The following BTBD7 variants were observed in gnomAD, a reference collection of about 807,000 sequenced individuals.
BTBD7 encodes BTB/POZ domain-containing protein 7.
A neutral mutation model predicts 99.9 loss-of-function variants in BTBD7; 38 were observed. The observed-to-expected ratio is 0.38, with a 90% CI of 0.29 to 0.50. The LOEUF is 0.50. Ranked by LOEUF, BTBD7 falls within the 20% of genes least tolerant of loss-of-function variation. The pLI is 0.93. For missense variants in BTBD7, 1,170 were observed against 1,394.6 expected, an observed-to-expected ratio of 0.84 and a Z score of 2.57; for synonymous variants, 520 against 511.4, an observed-to-expected ratio of 1.02 and a Z score of -0.23.
intron 3 of BTBD7, among the ~76,000 whole-genome samples, chr14:93,272,095 G>A (rs2052607089): frequency 2.0e-5 from 3 of 152,016 alleles, no homozygotes. Flanking sequence ...GAGGTGGGCG[G>A]ATCACCAGGT....
chr14:93,271,443 G>A (rs182118831), intron 3 of BTBD7, among the ~76,000 whole-genome samples: 191 of 152,272 alleles, frequency 1.3e-3, no homozygotes, highest in African/African-American at 4.5e-3. Flanking sequence ...AAACAAGATC[G>A]TAAGTTTAGA....
intron 1 of BTBD7, among the ~76,000 whole-genome samples, chr14:93,331,887 C>G (rs145644825): frequency 2.2e-4 from 32 of 147,834 alleles, no homozygotes; most frequent in Admixed American, 4.6e-4. Flanking sequence ...TCTCCCCCCC[C>G]CCAAAAAGGT....
chr14:93,248,811 CTAAT>C (rs2052341532), intron 8 of BTBD7, among the ~76,000 whole-genome samples, 157 bp from the exon 9 acceptor site: 1 of 152,152 alleles, frequency 6.6e-6, no homozygotes, highest in African/African-American at 2.4e-5. Context: ...TTATATATCT[CTAAT>C]TATTTTTCAA....
chr14:93,259,155 T>G lies in BTBD7; in HGVS notation c.1448-1800A>C, dbSNP rs77458620. ...TGAACCTCTGGGTACAACATTTTTGTCCAATGATTAAGACAGAACCTTGTT... is the reference window on the plus strand; with the variant it reads ...TGAACCTCTGGGTACAACATTTTTGGCCAATGATTAAGACAGAACCTTGTT... On this transcript the variant is annotated intron_variant, in intron 5 of 10. Transcript: ENST00000334746. Among the ~76,000 whole-genome samples, 325 of 152,318 alleles carry G rather than the reference T, an allele frequency of 2.1e-3. 1 individual carries two copies. The highest frequency in any genetic ancestry group is 7.5e-3 in the African/African-American group (311 of 41,570).
intron 1 of BTBD7, among the ~76,000 whole-genome samples, chr14:93,311,848 T>C (rs1321859006): frequency 6.6e-6 from 1 of 152,036 alleles, no homozygotes; most frequent in African/African-American, 2.4e-5. Context: ...GTTTACTCTG[T>C]GTGATTATAT....
At chr14:93,305,775 A>T (rs1314223926) in intron 1 of BTBD7, among the ~76,000 whole-genome samples, 5 of 149,522 alleles carry the variant, frequency 3.3e-5, no homozygotes, top group African/African-American at 9.7e-5. Context: ...GGTAATATAT[A>T]AAAAAATCTA....
At chr14:93,331,856 G>A (rs2053421506) in intron 1 of BTBD7, among the ~76,000 whole-genome samples, 1 of 149,362 alleles carries the variant, frequency 6.7e-6, no homozygotes, top group South Asian at 2.1e-4. Flanking sequence ...TCTCCAGCCT[G>A]GGTGACAGAG....
intron 8 of BTBD7, among the ~76,000 whole-genome samples, chr14:93,248,934 C>G (rs1301146551): frequency 2.0e-5 from 3 of 152,090 alleles, no homozygotes; most frequent in Non-Finnish European, 4.4e-5. Context: ...GTATTCTTGT[C>G]TGAATCTCAG....
intron 5 of BTBD7, among the ~76,000 whole-genome samples, chr14:93,261,390 T>C (rs1270845693): frequency 1.3e-5 from 2 of 152,202 alleles, no homozygotes; most frequent in Non-Finnish European, 2.9e-5. Flanking sequence ...TAATAAAAAG[T>C]ATCCTTTTAA....
intron 5 of BTBD7, among the ~76,000 whole-genome samples, chr14:93,261,248 C>T (rs1050360107): frequency 6.6e-6 from 1 of 152,200 alleles, no homozygotes; most frequent in African/African-American, 2.4e-5. Flanking sequence ...GTGCAACCAT[C>T]AACACTAATT....
At chr14:93,254,757 G>A (rs994914163) in intron 6 of BTBD7, among the ~76,000 whole-genome samples, 6 of 152,156 alleles carry the variant, frequency 3.9e-5, no homozygotes, top group African/African-American at 1.2e-4. Flanking sequence ...GATTAAATGA[G>A]GGCAATGCAG....
At position 93,242,594 on chromosome 14, in the gene BTBD7, G is replaced by C; in HGVS notation, c.3078C>G (p.His1026Gln). ...HLHRQKNEPI[H>Q]LDVVEQPPQR... The stretch of plus-strand genomic sequence containing the variant: ...GGGGAGGTTGCTCAACGACATCCAG[G>C]TGTATCGGCTCATTCTTTTGTCTGT... Residue 1026 changes from histidine to glutamine, a missense_variant, in exon 11 of 11, where the codon CAC becomes CAG. His to Gln is a conservative substitution (Grantham distance 24). Coordinates refer to ENST00000334746, the MANE Select transcript of BTBD7 (RefSeq NM_001002860.4). 6.2e-7 allele frequency: 1 copy of C among 1,614,216 alleles called. No individual in the cohort carries two copies. The highest frequency in any genetic ancestry group is 1.6e-4 in the Middle Eastern group (1 of 6,062).
At chr14:93,266,514 C>T (rs1022035927) in intron 3 of BTBD7, among the ~76,000 whole-genome samples, 2 of 146,566 alleles carry the variant, frequency 1.4e-5, no homozygotes, top group Non-Finnish European at 3.1e-5. Context: ...CTGATTTATC[C>T]GTTGTTCCTA....
At position 93,277,437 on chromosome 14, in the gene BTBD7, T is replaced by C. The variant is rs1206126840; in HGVS notation, c.1163-13444A>G. Reference sequence around the variant, plus strand: ...GGAGCTAACTCTGGGACCTACAGGATGCCTGAAATCTCTGAAATAGAGCAC... The same window carrying C: ...GGAGCTAACTCTGGGACCTACAGGACGCCTGAAATCTCTGAAATAGAGCAC... On this transcript the variant is annotated intron_variant, in intron 3 of 10. Transcript: ENST00000334746. Among the ~76,000 whole-genome samples the C allele has an allele frequency of 2.0e-5, 3 of 152,290 alleles. No homozygotes were observed. In the East Asian group the frequency reaches 5.8e-4, roughly 29 times the overall value.
At chr14:93,261,493 A>G in intron 5 of BTBD7, 109 bp downstream of exon 5, 1 of 855,496 alleles carries the variant, frequency 1.2e-6, no homozygotes, top group Non-Finnish European at 1.9e-6. Flanking sequence ...TTCCATTTTC[A>G]CCAGGCAACA....
chr14:93,292,152 A>G (rs1373582017), intron 3 of BTBD7, among the ~76,000 whole-genome samples: 1 of 152,166 alleles, frequency 6.6e-6, no homozygotes, highest in African/African-American at 2.4e-5. Context: ...GCGCCATTGC[A>G]CTCCAGCCTG....
intron 1 of BTBD7, among the ~76,000 whole-genome samples, chr14:93,321,644 T>TG (rs2053271460): frequency 1.3e-5 from 2 of 152,172 alleles, no homozygotes; most frequent in African/African-American, 4.8e-5. Context: ...GGCAAACTGT[T>TG]GAACAGGCAA....
chr14:93,239,342 G>A lies in BTBD7; in HGVS notation c.*2931C>T, dbSNP rs2052194471. On this transcript the variant is annotated 3_prime_UTR_variant, in exon 11 of 11. Coordinates refer to ENST00000334746, the MANE Select transcript of BTBD7 (RefSeq NM_001002860.4). ...ATTGTCCAAAGGCCTGATTGTCCAC[G>A]ATCTCAAAAGGAGATCTGGTATTTT... is the stretch of plus-strand genomic sequence containing the variant. 1.3e-5 allele frequency: 2 copies of A among 152,482 alleles called. No individual in the cohort carries two copies. Among genetic ancestry groups the A allele is most frequent in the Admixed American group, 6.5e-5 (1 of 15,268 alleles). The allele number at this position is 152,482 out of a possible 1,614,324, so 9.4% of individuals were successfully genotyped here.
intron 1 of BTBD7, among the ~76,000 whole-genome samples, chr14:93,317,740 CCTGA>C (rs956176195): frequency 3.7e-4 from 56 of 152,040 alleles, no homozygotes; most frequent in Admixed American, 3.9e-4. Flanking sequence ...CCCATAATTC[CCTGA>C]CTATTTAATA....
Sources: allele counts gnomAD v4.1 joint callset (sites outside exome capture counted in the v4.1 genomes callset), GRCh38; gene constraint gnomAD v4.1.1; transcripts MANE v1.5; gene names NCBI Gene and HGNC (gene_info 2026-07-23, HGNC 2026-07-21).